Variants in SIPA1L3 observed in about 807,000 individuals in gnomAD.
The protein encoded by SIPA1L3 is signal-induced proliferation-associated 1-like protein 3.
Under a neutral mutation model 150.1 loss-of-function variants are expected in SIPA1L3, and 59 were observed. That is an observed-to-expected ratio of 0.39 (90% CI 0.32 to 0.49). The LOEUF (loss-of-function observed/expected upper bound fraction) is 0.49. Among genes scored for constraint, SIPA1L3 ranks in the 20% least tolerant of loss-of-function variants. The probability of loss-of-function intolerance (pLI) is 0.86; values close to 1 mark genes in which losing one functional copy is unlikely to be tolerated. For synonymous variants in SIPA1L3, 1,070 were observed against 1,077.6 expected, an observed-to-expected ratio of 0.99 and a Z score of 0.14; for missense variants, 2,211 against 2,489.5, an observed-to-expected ratio of 0.89 and a Z score of 2.38.
intron 2 of SIPA1L3, among the ~76,000 whole-genome samples, chr19:38,045,377 CAAA>C (rs139129515): frequency 8.2e-6 from 1 of 122,408 alleles, no homozygotes; most frequent in Non-Finnish European, 1.7e-5. Context: ...GACTCTGTCT[CAAA>C]AAAAAAAAAA....
chr19:38,001,827 A>G (rs765452809), intron 1 of SIPA1L3, among the ~76,000 whole-genome samples: 1 of 152,174 alleles, frequency 6.6e-6, no homozygotes, highest in Non-Finnish European at 1.5e-5. Context: ...CAATATACAT[A>G]ACAAATTTTT....
At chr19:38,168,603 C>T (rs1972258928) in intron 15 of SIPA1L3, among the ~76,000 whole-genome samples, 1 of 152,066 alleles carries the variant, frequency 6.6e-6, no homozygotes, top group East Asian at 1.9e-4. Flanking sequence ...GGCATGGGAC[C>T]ACCACCTTAG....
At chr19:37,926,665 G>A (rs2046506433) in intron 1 of SIPA1L3, among the ~76,000 whole-genome samples, 1 of 152,132 alleles carries the variant, frequency 6.6e-6, no homozygotes, top group South Asian at 2.1e-4. Flanking sequence ...AAGTCGTTGT[G>A]GAACCAGGGC....
rs1055077464 is a variant in SIPA1L3, at chr19:38,171,385, C to CTTTT, written c.4208+6500_4208+6503dup. Among the ~76,000 whole-genome samples the CTTTT allele has an allele frequency of 1.3e-3, 105 of 77,888 alleles. 1 individual carries two copies. Among genetic ancestry groups the CTTTT allele is most frequent in the Non-Finnish European group, 2.1e-3 (89 of 42,264 alleles). 51.1% of individuals were successfully genotyped at this position (77,888 alleles called of 152,430 possible). A position where few individuals can be genotyped will look rare whatever the true frequency, so the allele number is the denominator to read the frequency against. ...ACCCATCTCTATCCCCCTACCAAAA[C>CTTTT]TTTTTTTTTTTTTTTTTTTTTTTTG... is the stretch of plus-strand genomic sequence containing the variant. On this transcript the variant is annotated intron_variant, in intron 15 of 21. Transcript: ENST00000222345.
At chr19:38,128,554 AAATT>A (rs1971230933) in intron 9 of SIPA1L3, among the ~76,000 whole-genome samples, 1 of 152,162 alleles carries the variant, frequency 6.6e-6, no homozygotes, top group South Asian at 2.1e-4. Context: ...TTGTGACGTA[AAATT>A]ATTTCTAAAA....
At chr19:38,019,465 C>G (rs1393806504) in intron 1 of SIPA1L3, among the ~76,000 whole-genome samples, 2 of 152,170 alleles carry the variant, frequency 1.3e-5, no homozygotes, top group African/African-American at 4.8e-5. Context: ...GAATTTTCCT[C>G]AAAGTCCCAC....
Position 38,207,331 on chromosome 19 carries a change from A to G in SIPA1L3, c.*1091A>G, listed in dbSNP as rs563583294. On this transcript the variant is annotated 3_prime_UTR_variant, in exon 22 of 22. Transcript: ENST00000222345. ...GAACCCCACTGGACGCTGGTTCTCT[A>G]AAGGCAATAAGGGGCGGCCATGCCG... 2 of 151,382 alleles carry G rather than the reference A, an allele frequency of 1.3e-5. No homozygotes were observed. Among genetic ancestry groups the G allele is most frequent in the South Asian group, 2.1e-4 (1 of 4,766 alleles). 9.4% of individuals were successfully genotyped at this position (151,382 alleles called of 1,614,324 possible). A position where few individuals can be genotyped will look rare whatever the true frequency, so the allele number is the denominator to read the frequency against.
intron 1 of SIPA1L3, among the ~76,000 whole-genome samples, chr19:37,982,738 T>G (rs1455847313): frequency 6.6e-6 from 1 of 152,192 alleles, no homozygotes; most frequent in Non-Finnish European, 1.5e-5. Context: ...GTATAGTGGC[T>G]TATGGCTCTC....
chr19:37,916,493 TAAAAAAAAAAA>T (rs911159767), intron 1 of SIPA1L3, among the ~76,000 whole-genome samples: 2 of 90,792 alleles, frequency 2.2e-5, no homozygotes, highest in South Asian at 3.5e-4. Flanking sequence ...ACTCTGTGTC[TAAAAAAAAAAA>T]AAAAAAAAAA....
intron 8 of SIPA1L3, 65 bp downstream of exon 8, chr19:38,110,449 G>T: frequency 6.7e-7 from 1 of 1,499,248 alleles, no homozygotes; most frequent in East Asian, 2.3e-5. Flanking sequence ...GGCCCAAGTG[G>T]GTCCCAGTAC....
At chr19:38,040,830 C>A (rs575791214) in intron 2 of SIPA1L3, among the ~76,000 whole-genome samples, 1 of 152,118 alleles carries the variant, frequency 6.6e-6, no homozygotes, top group East Asian at 1.9e-4. Flanking sequence ...GCTCAATCTC[C>A]GCTCACTGCA....
chr19:37,942,837 T>G (rs1354975390), intron 1 of SIPA1L3, among the ~76,000 whole-genome samples: 2 of 151,954 alleles, frequency 1.3e-5, no homozygotes, highest in Non-Finnish European at 2.9e-5. Flanking sequence ...CAGGATTTTG[T>G]GGTAGTAAGG....
At chr19:38,166,412 G>A (rs560326371) in intron 15 of SIPA1L3, among the ~76,000 whole-genome samples, 9 of 150,906 alleles carry the variant, frequency 6.0e-5, no homozygotes, top group East Asian at 2.0e-4. Flanking sequence ...AGCCGAGATC[G>A]TGCCACTGCA....
intron 10 of SIPA1L3, 60 bp from the exon 11 acceptor site, chr19:38,141,124 C>T: frequency 1.4e-6 from 2 of 1,429,794 alleles, no homozygotes; most frequent in Non-Finnish European, 1.9e-6. Context: ...CCAGCCTAGA[C>T]AGCAGGCCCA....
Position 38,182,578 on chromosome 19 carries a change from C to T in SIPA1L3, c.4268C>T (p.Thr1423Ile). 1 of 1,614,186 alleles carries T rather than the reference C, an allele frequency of 6.2e-7. No individual in the cohort carries two copies. Among genetic ancestry groups the T allele is most frequent in the Non-Finnish European group, 8.5e-7 (1 of 1,180,044 alleles). Reference sequence around the variant, plus strand: ...GTTTACAAAACTGCCAGTGCAGAGACTCCTCGGCCCTCCCAGCTGGCCCAG... The same window carrying T: ...GTTTACAAAACTGCCAGTGCAGAGATTCCTCGGCCCTCCCAGCTGGCCCAG... ...AQVYKTASAETPRPSQLAQPS... is the reference protein window; with the variant it reads ...AQVYKTASAEIPRPSQLAQPS... The change falls in exon 16 of 22, where the codon ACT becomes ATT. Residue 1423 changes from threonine to isoleucine, a missense_variant. By Grantham distance (89) the Thr-to-Ile change is moderately conservative. Coordinates refer to ENST00000222345, the MANE Select transcript of SIPA1L3 (RefSeq NM_015073.3).
intron 2 of SIPA1L3, among the ~76,000 whole-genome samples, chr19:38,034,963 G>T (rs995012182): frequency 3.9e-5 from 6 of 152,198 alleles, no homozygotes; most frequent in African/African-American, 1.4e-4. Context: ...CCTCATGGCT[G>T]GGTGGCTCTG....
At chr19:38,193,852 G>C (rs1423052004) in intron 18 of SIPA1L3, 72 bp downstream of exon 18, 2 of 1,438,396 alleles carry the variant, frequency 1.4e-6, no homozygotes, top group African/African-American at 3.0e-5. Context: ...CCGAGCAGGG[G>C]CTCACCTGGA....
At position 38,034,285 on chromosome 19, in the gene SIPA1L3, G is replaced by T. The variant is rs187918418; in HGVS notation, c.-311+5129G>T. 3.5e-4 allele frequency among the ~76,000 whole-genome samples: 53 copies of T among 152,270 alleles called. No homozygotes were observed. In the East Asian group the frequency reaches 0.01, roughly 29 times the overall value. ...AAGCAGTAATAATGAACATTAATGG[G>T]TGCTGACTCTGTGCCAAGCCCTGCC... On this transcript the variant is annotated intron_variant, in intron 2 of 21. Coordinates refer to ENST00000222345, the MANE Select transcript of SIPA1L3 (RefSeq NM_015073.3).
chr19:38,028,757 A>C (rs142039765), intron 1 of SIPA1L3, among the ~76,000 whole-genome samples: 1,617 of 151,260 alleles, frequency 0.011, 30 homozygotes, highest in African/African-American at 0.038. Context: ...CAGTGGCACA[A>C]TCTTGGCTCA....
Sources: gnomAD v4.1 joint callset for allele counts (sites outside exome capture counted in the v4.1 genomes callset) on GRCh38, gnomAD v4.1.1 for gene constraint, MANE v1.5 for transcripts, NCBI Gene and HGNC (gene_info 2026-07-23, HGNC 2026-07-21) for gene names.